SPIN1: variants seen among roughly 807,000 people sequenced by gnomAD.
SPIN1 encodes spindlin 1.
In SPIN1, 3 loss-of-function variants were observed where a neutral mutation model predicts 26.0. The observed-to-expected ratio is 0.12, with a 90% CI of 0.05 to 0.30. The LOEUF is 0.30. Ranked by LOEUF, SPIN1 falls within the 10% of genes least tolerant of loss-of-function variation. SPIN1 has a pLI of 1.00. For synonymous variants in SPIN1, 101 were observed against 116.5 expected, an observed-to-expected ratio of 0.87 and a Z score of 0.86; for missense variants, 126 against 333.4, an observed-to-expected ratio of 0.38 and a Z score of 4.84.
chr9:88,434,015 G>A (rs1176755651), intron 2 of SPIN1, among the ~76,000 whole-genome samples: 1 of 152,048 alleles, frequency 6.6e-6, no homozygotes, highest in Non-Finnish European at 1.5e-5. Flanking sequence ...CCTATCGATA[G>A]TTAAGTGAGA....
intron 3 of SPIN1, among the ~76,000 whole-genome samples, chr9:88,453,362 C>T (rs1419873534): frequency 6.6e-6 from 1 of 152,106 alleles, no homozygotes; most frequent in African/African-American, 2.4e-5. Context: ...GGATTGGCTG[C>T]AGCATCAATT....
intron 1 of SPIN1, among the ~76,000 whole-genome samples, chr9:88,389,055 G>A (rs1202985280): frequency 6.6e-6 from 1 of 151,888 alleles, no homozygotes; most frequent in Non-Finnish European, 1.5e-5. Flanking sequence ...GGGTCACCCC[G>A]GGGACGCGGG....
At chr9:88,474,087 C>G (rs1049575311) in intron 5 of SPIN1, among the ~76,000 whole-genome samples, 2 of 152,134 alleles carry the variant, frequency 1.3e-5, no homozygotes, top group South Asian at 4.1e-4. Context: ...ATTATATGGT[C>G]TACACCAGGA....
intron 1 of SPIN1, among the ~76,000 whole-genome samples, chr9:88,400,299 A>G (rs1168041426): frequency 2.0e-5 from 3 of 152,162 alleles, no homozygotes; most frequent in East Asian, 3.9e-4. Flanking sequence ...CTGGAGGAGT[A>G]TTTGATTTGT....
At chr9:88,470,139 C>G (rs1828749633) in intron 5 of SPIN1, among the ~76,000 whole-genome samples, 1 of 152,194 alleles carries the variant, frequency 6.6e-6, no homozygotes, top group Non-Finnish European at 1.5e-5. Context: ...TAGCATATAT[C>G]AGTACTTCAT....
At chr9:88,399,065 T>C (rs1827130205) in intron 1 of SPIN1, among the ~76,000 whole-genome samples, 1 of 147,726 alleles carries the variant, frequency 6.8e-6, no homozygotes, top group Non-Finnish European at 1.5e-5. Context: ...GGAGTCTTGC[T>C]CTATTGCCCA....
chr9:88,436,664 C>T (rs76124098), intron 2 of SPIN1, among the ~76,000 whole-genome samples: 448 of 150,698 alleles, frequency 3.0e-3, no homozygotes, highest in African/African-American at 0.01. Flanking sequence ...TCCAGAATAA[C>T]GTCATAAAGT....
chr9:88,396,811 T>G (rs1827071795), intron 1 of SPIN1, among the ~76,000 whole-genome samples: 1 of 152,112 alleles, frequency 6.6e-6, no homozygotes, highest in African/African-American at 2.4e-5. Flanking sequence ...CTAGGCTATG[T>G]AATATGGCTT....
chr9:88,458,371 G>C (rs893926129), intron 3 of SPIN1, among the ~76,000 whole-genome samples: 14 of 152,102 alleles, frequency 9.2e-5, no homozygotes, highest in Non-Finnish European at 1.6e-4. Context: ...TGCATTCCCA[G>C]AATTAAAGGA....
rs1019274564 is a variant in SPIN1 at position 88,475,383 on chromosome 9, G to A, written c.*106G>A. On this transcript the variant is annotated 3_prime_UTR_variant, in exon 6 of 6. Coordinates refer to ENST00000375859, the MANE Select transcript of SPIN1 (RefSeq NM_006717.3). ...TTAATGAAAGCTTAAATGTCCCTGC[G>A]AACCCACAATCTCTGCCAGCAGAAC... is the stretch of plus-strand genomic sequence containing the variant. 11 of 1,156,612 alleles carry A rather than the reference G, an allele frequency of 9.5e-6. No individual in the cohort carries two copies. The highest frequency in any genetic ancestry group is 9.0e-5 in the Admixed American group (4 of 44,490). 71.6% of individuals were successfully genotyped at this position (1,156,612 alleles called of 1,614,324 possible).
chr9:88,469,823 T>TA (rs752591016), intron 5 of SPIN1, among the ~76,000 whole-genome samples: 15 of 152,302 alleles, frequency 9.8e-5, no homozygotes, highest in Non-Finnish European at 1.5e-4. Flanking sequence ...TGTGAGCCAT[T>TA]ACGACCATGT....
At chr9:88,397,322 ATTAC>A (rs1827087096) in intron 1 of SPIN1, among the ~76,000 whole-genome samples, 1 of 152,002 alleles carries the variant, frequency 6.6e-6, no homozygotes, top group Non-Finnish European at 1.5e-5. Flanking sequence ...TGCATGACTA[ATTAC>A]TTTTGGGCCT....
At chr9:88,398,522 C>T (rs1332742787) in intron 1 of SPIN1, among the ~76,000 whole-genome samples, 1 of 152,018 alleles carries the variant, frequency 6.6e-6, no homozygotes, top group Non-Finnish European at 1.5e-5. Context: ...GGTTAAATGT[C>T]TTGTCTGCAC....
chr9:88,429,079 C>T lies in SPIN1; in HGVS notation c.52+2488C>T, dbSNP rs560996656. 6.6e-5 allele frequency among the ~76,000 whole-genome samples: 10 copies of T among 152,228 alleles called. 1 individual carries two copies. In the South Asian group the frequency reaches 2.1e-3, roughly 32 times the overall value. ...ACAGGGTTTCGCAGTGTTGCCCAGG[C>T]TGGTCTTCAACTCCTGAGCTGAAGC... On this transcript the variant is annotated intron_variant, in intron 2 of 5. Transcript: ENST00000375859.
Position 88,426,531 on chromosome 9 carries a change from T to C in SPIN1, c.-9T>C, listed in dbSNP as rs750113605. 1.9e-5 allele frequency: 30 copies of C among 1,612,932 alleles called. No homozygotes were observed. The highest frequency in any genetic ancestry group is 2.5e-5 in the Non-Finnish European group (29 of 1,179,316). The stretch of plus-strand genomic sequence containing the variant: ...CCAGCAGCTCCGCTGCTCACTTAAA[T>C]ACAGATGAATGAAGACCCCATTCGG... On this transcript the variant is annotated 5_prime_UTR_variant, in exon 2 of 6. Coordinates refer to ENST00000375859, the MANE Select transcript of SPIN1 (RefSeq NM_006717.3).
intron 1 of SPIN1, among the ~76,000 whole-genome samples, chr9:88,404,960 C>T (rs1827265862): frequency 6.6e-6 from 1 of 151,058 alleles, no homozygotes; most frequent in South Asian, 2.1e-4. Flanking sequence ...TACTCAGGAT[C>T]ATCTGTATCA....
chr9:88,458,128 C>T (rs1286991930), intron 3 of SPIN1, among the ~76,000 whole-genome samples: 2 of 152,090 alleles, frequency 1.3e-5, no homozygotes, highest in East Asian at 1.9e-4. Context: ...TGTTGGAAGA[C>T]TAGAAGCAAG....
chr9:88,427,628 C>T (rs547484399), intron 2 of SPIN1, among the ~76,000 whole-genome samples: 5 of 149,880 alleles, frequency 3.3e-5, no homozygotes, highest in East Asian at 2.0e-4. Context: ...TTTTTTGAGA[C>T]GGAGTCTCGC....
intron 1 of SPIN1, among the ~76,000 whole-genome samples, chr9:88,394,140 T>C (rs879211610): frequency 6.6e-6 from 1 of 152,228 alleles, no homozygotes; most frequent in African/African-American, 2.4e-5. Context: ...TGAGCCACCA[T>C]GTGTGGCTTT....
Sources: gnomAD v4.1 joint callset for allele counts (sites outside exome capture counted in the v4.1 genomes callset) on GRCh38, gnomAD v4.1.1 for gene constraint, MANE v1.5 for transcripts, NCBI Gene and HGNC (gene_info 2026-07-23, HGNC 2026-07-21) for gene names.